Variants in COL4A1 observed in about 807,000 individuals in gnomAD.
COL4A1 encodes collagen type IV alpha 1 chain.
In COL4A1, 40 loss-of-function variants were observed where a neutral mutation model predicts 216.6. That is an observed-to-expected ratio of 0.18 (90% CI 0.14 to 0.24). The LOEUF (loss-of-function observed/expected upper bound fraction) is 0.24, where lower values mean the gene tolerates loss of function less well. Among genes scored for constraint, COL4A1 ranks in the 10% least tolerant of loss-of-function variants. The probability of loss-of-function intolerance (pLI) is 1.00; values close to 1 mark genes in which losing one functional copy is unlikely to be tolerated. For synonymous variants in COL4A1, 839 were observed against 810.7 expected (o/e 1.03, Z -0.59); for missense variants, 1,628 against 2,196.8 (o/e 0.74, Z 5.18).
At chr13:110,259,846 T>C (rs1044802892) in intron 1 of COL4A1, among the ~76,000 whole-genome samples, 1 of 152,214 alleles carries the variant, frequency 6.6e-6, no homozygotes, top group African/African-American at 2.4e-5. Context: ...TGTGCAATAG[T>C]TGAATCTGTA....
At chr13:110,228,356 C>T (rs1880847333) in intron 2 of COL4A1, among the ~76,000 whole-genome samples, 1 of 152,254 alleles carries the variant, frequency 6.6e-6, no homozygotes, top group South Asian at 2.1e-4. Flanking sequence ...AGGGCACATA[C>T]TGAGTAGCTT....
At chr13:110,204,867 A>G (rs1045855150) in intron 17 of COL4A1, among the ~76,000 whole-genome samples, 1 of 152,204 alleles carries the variant, frequency 6.6e-6, no homozygotes, top group South Asian at 2.1e-4. Context: ...AATACCACGC[A>G]ACAAAAGGCA....
chr13:110,293,056 G>A (rs1884148094), intron 1 of COL4A1, among the ~76,000 whole-genome samples: 1 of 152,168 alleles, frequency 6.6e-6, no homozygotes, highest in African/African-American at 2.4e-5. Flanking sequence ...CCCCCTAAAA[G>A]TGCAGTCACT....
chr13:110,269,358 C>T (rs1364263570), intron 1 of COL4A1, among the ~76,000 whole-genome samples: 3 of 152,062 alleles, frequency 2.0e-5, no homozygotes, highest in Admixed American at 6.5e-5. Context: ...TTTCCTACGA[C>T]ATAGAGAGAA....
intron 2 of COL4A1, among the ~76,000 whole-genome samples, chr13:110,223,790 G>A (rs1197136325): frequency 1.3e-5 from 2 of 152,136 alleles, no homozygotes; most frequent in Non-Finnish European, 2.9e-5. Context: ...GAGCTCTCTG[G>A]GGGTTCCTGC....
intron 21 of COL4A1, among the ~76,000 whole-genome samples, chr13:110,197,403 C>A (rs1159963588): frequency 6.6e-6 from 1 of 152,182 alleles, no homozygotes. Context: ...CACTCCCTTC[C>A]CCGCTGAATG....
intron 38 of COL4A1, 28 bp from the exon 39 acceptor site, chr13:110,174,554 A>G: frequency 6.2e-7 from 1 of 1,614,124 alleles, no homozygotes; most frequent in African/African-American, 1.3e-5. Context: ...ACACCAGAAC[A>G]TCCATAAGTT....
chr13:110,249,100 T>A (rs573808518), intron 1 of COL4A1, among the ~76,000 whole-genome samples: 7 of 152,106 alleles, frequency 4.6e-5, no homozygotes, highest in Admixed American at 4.6e-4. Context: ...GAGAGCACAC[T>A]CTGTATGATC....
chr13:110,194,154 C>T (rs1463708589), intron 22 of COL4A1, among the ~76,000 whole-genome samples: 1 of 152,226 alleles, frequency 6.6e-6, no homozygotes, highest in African/African-American at 2.4e-5. Flanking sequence ...TGACTCAGAT[C>T]AGTGGCACCC....
intron 1 of COL4A1, among the ~76,000 whole-genome samples, chr13:110,299,599 C>A (rs753756672): frequency 3.3e-5 from 5 of 152,170 alleles, no homozygotes; most frequent in Non-Finnish European, 5.9e-5. Flanking sequence ...AGACCAGGGC[C>A]CACACATTTC....
intron 2 of COL4A1, among the ~76,000 whole-genome samples, chr13:110,222,791 A>AAG (rs1880564853): frequency 6.6e-6 from 1 of 150,766 alleles, no homozygotes; most frequent in Non-Finnish European, 1.5e-5. Context: ...AAAAAAAAAA[A>AAG]AAAAAAAGAA....
chr13:110,158,564 T>C (rs576144050), intron 49 of COL4A1, among the ~76,000 whole-genome samples: 84 of 144,452 alleles, frequency 5.8e-4, no homozygotes, highest in Non-Finnish European at 1.1e-3. Context: ...TACTGCTACA[T>C]CTTTCTTCAT....
chr13:110,179,558 G>A lies in COL4A1; in HGVS notation c.2194-137C>T. The A allele has an allele frequency of 3.0e-6, 4 of 1,315,426 alleles. No homozygotes were observed. The South Asian group carries it at 5.1e-5, about 17-fold the overall frequency. 81.5% of individuals were successfully genotyped at this position (1,315,426 alleles called of 1,614,324 possible). On this transcript the variant is annotated intron_variant, in intron 29 of 51. Transcript: ENST00000375820. ...ATATTATCTGCTCAACCCTTTTCAA[G>A]CGTTTGCAAAGCTTCCTCATACCTA...
intron 1 of COL4A1, among the ~76,000 whole-genome samples, chr13:110,292,288 A>G (rs1219613712): frequency 1.3e-5 from 2 of 152,222 alleles, no homozygotes; most frequent in African/African-American, 4.8e-5. Context: ...TAAAAGTTCC[A>G]GGCATTGTCT....
At chr13:110,280,071 T>A (rs1015115695) in intron 1 of COL4A1, among the ~76,000 whole-genome samples, 2 of 152,268 alleles carry the variant, frequency 1.3e-5, no homozygotes, top group African/African-American at 4.8e-5. Context: ...TATTGGCAAT[T>A]TTCTTTTAAT....
At chr13:110,269,977 T>C (rs1883187091) in intron 1 of COL4A1, among the ~76,000 whole-genome samples, 1 of 152,116 alleles carries the variant, frequency 6.6e-6, no homozygotes, top group Admixed American at 6.5e-5. Flanking sequence ...TTTAGGGAGA[T>C]GCCAGAATGA....
intron 2 of COL4A1, among the ~76,000 whole-genome samples, chr13:110,238,074 G>C (rs1881401899): frequency 6.6e-6 from 1 of 152,232 alleles, no homozygotes; most frequent in Admixed American, 6.5e-5. Context: ...TGTTCTATCT[G>C]ATGACAATAT....
At chr13:110,212,689 C>T (rs967666679) in intron 4 of COL4A1, 71 bp from the exon 5 acceptor site, 52 of 1,555,222 alleles carry the variant, frequency 3.3e-5, no homozygotes, top group Admixed American at 5.0e-5. Context: ...TGCATCTCCC[C>T]GGTTAATGGA....
chr13:110,209,524 C>T, intron 10 of COL4A1, 97 bp from the exon 11 acceptor site: 1 of 911,214 alleles, frequency 1.1e-6, no homozygotes, highest in Non-Finnish European at 1.7e-6. Context: ...CTCTGGTCAA[C>T]ATGATAATTT....
Sources: gnomAD v4.1 joint callset for allele counts (sites outside exome capture counted in the v4.1 genomes callset) on GRCh38, gnomAD v4.1.1 for gene constraint, MANE v1.5 for transcripts, NCBI Gene and HGNC (gene_info 2026-07-23, HGNC 2026-07-21) for gene names.